Variants in LRRC14B observed in about 807,000 individuals in gnomAD.
LRRC14B encodes the protein leucine-rich repeat-containing protein 14B.
A neutral mutation model predicts 16.9 loss-of-function variants in LRRC14B; 23 were observed. The ratio of observed to expected loss-of-function variants is 1.36; its 90% CI spans 0.98 to 1.92. The LOEUF (loss-of-function observed/expected upper bound fraction) is 1.92, where lower values mean the gene tolerates loss of function less well. LRRC14B is among the 30% of genes most tolerant of loss of function. The probability of loss-of-function intolerance (pLI) is 0.00; values close to 1 mark genes in which losing one functional copy is unlikely to be tolerated. For missense variants in LRRC14B, 766 were observed against 705.7 expected (o/e 1.09, Z -0.97); for synonymous variants, 358 against 332.5 (o/e 1.08, Z -0.83).
At chr5:193,817 G>A (rs1733856997) in intron 1 of LRRC14B, among the ~76,000 whole-genome samples, 1 of 152,036 alleles carries the variant, frequency 6.6e-6, no homozygotes, top group South Asian at 2.1e-4. Flanking sequence ...GGTGCAGGTG[G>A]GTGAAGAGTG....
chr5:192,301 C>T lies in LRRC14B; in HGVS notation c.763C>T (p.Pro255Ser), dbSNP rs1254126296. ...GCCCACCAAGGCCTTTGATGCACCC[C>T]CCACCTACGCCTCCACTCCCGACGG... ...TLPTKAFDAP[P>S]TYASTPDGED... Residue 255 changes from proline (P) to serine (S), a missense_variant, in exon 1 of 2, where the codon CCC (proline) becomes TCC (serine). By Grantham distance (74) the Pro-to-Ser change is moderately conservative. Coordinates refer to ENST00000328278, the MANE Select transcript of LRRC14B (RefSeq NM_001080478.3). 4 of 1,599,862 alleles carry T rather than the reference C, an allele frequency of 2.5e-6. No homozygotes were observed. The highest frequency in any genetic ancestry group is 2.6e-6 in the Non-Finnish European group (3 of 1,174,644).
At chr5:193,618 C>T in intron 1 of LRRC14B, among the ~76,000 whole-genome samples, 1 of 149,038 alleles carries the variant, frequency 6.7e-6, no homozygotes, top group South Asian at 2.2e-4. Context: ...GTGGGGGATG[C>T]CTGGCGGTGG....
intron 1 of LRRC14B, among the ~76,000 whole-genome samples, chr5:193,714 C>T (rs1052165881): frequency 7.3e-5 from 11 of 149,838 alleles, no homozygotes; most frequent in East Asian, 2.0e-4. Context: ...GCATGCCTGG[C>T]GTGGTTTCTC....
At position 195,682 on chromosome 5, in the gene LRRC14B, G is replaced by C. The variant is rs1733904555; in HGVS notation, c.*329G>C. 1 of 378,392 alleles carries C rather than the reference G, an allele frequency of 2.6e-6. No homozygotes were observed. Among genetic ancestry groups the C allele is most frequent in the South Asian group, 2.7e-5 (1 of 36,542 alleles). The allele number at this position is 378,392 out of a possible 1,614,324, so 23.4% of individuals were successfully genotyped here. ...GGAGGTGTGAGGAGTGGCCGACCTGGCCTCAGCGCATCTGGGCACTGGGCG... is the reference window on the plus strand; with the variant it reads ...GGAGGTGTGAGGAGTGGCCGACCTGCCCTCAGCGCATCTGGGCACTGGGCG... On this transcript the variant is annotated 3_prime_UTR_variant, in exon 2 of 2. Coordinates refer to ENST00000328278, the MANE Select transcript of LRRC14B (RefSeq NM_001080478.3).
Position 192,286 on chromosome 5 carries a change from G to T in LRRC14B, c.748G>T (p.Ala250Ser), listed in dbSNP as rs759308849. Residue 250 changes from alanine to serine, a missense_variant, in exon 1 of 2, where the codon GCC becomes TCC. Ala to Ser is a moderately conservative substitution (Grantham distance 99, BLOSUM62 1). Coordinates refer to ENST00000328278, the MANE Select transcript of LRRC14B (RefSeq NM_001080478.3). ...RLASLTLPTK[A>S]FDAPPTYAST... ...GGCCTCGCTCACCCTGCCCACCAAG[G>T]CCTTTGATGCACCCCCCACCTACGC... The T allele has an allele frequency of 3.7e-6, 6 of 1,600,278 alleles. No individual in the cohort carries two copies. The highest frequency in any genetic ancestry group is 3.4e-5 in the South Asian group (3 of 88,496).
At position 192,297 on chromosome 5, in the gene LRRC14B, A is replaced by AC. The variant is rs748566980; in HGVS notation, c.765dup (p.Thr256HisfsTer28). ...CCCTGCCCACCAAGGCCTTTGATGC[A>AC]CCCCCCACCTACGCCTCCACTCCCG... On this transcript the variant is annotated frameshift_variant, in exon 1 of 2. Transcript: ENST00000328278. LOFTEE classifies it high-confidence loss of function. The AC allele has an allele frequency of 1.7e-5, 27 of 1,594,662 alleles. No individual in the cohort carries two copies. Among genetic ancestry groups the AC allele is most frequent in the Admixed American group, 1.0e-4 (6 of 58,300 alleles).
chr5:191,897 T>G lies in LRRC14B; in HGVS notation c.359T>G (p.Val120Gly). ...CTCACGGGCATCCGAGATGTGCAGG[T>G]GCAGCGGTGCCCGTGCGGGAGGGCG... is the stretch of plus-strand genomic sequence containing the variant. ...ADLTGIRDVQ[V>G]QRCPCGRALG... The change falls in exon 1 of 2, where the codon GTG becomes GGG. Residue 120 changes from valine to glycine, a missense_variant. Coordinates refer to ENST00000328278, the MANE Select transcript of LRRC14B (RefSeq NM_001080478.3). The G allele has an allele frequency of 6.6e-7, 1 of 1,511,528 alleles. No homozygotes were observed. The highest frequency in any genetic ancestry group is 8.8e-7 in the Non-Finnish European group (1 of 1,135,052). 93.6% of individuals were successfully genotyped at this position (1,511,528 alleles called of 1,614,324 possible). A position where few individuals can be genotyped will look rare whatever the true frequency, so the allele number is the denominator to read the frequency against.
Position 192,303 on chromosome 5 carries a change from C to T in LRRC14B, c.765C>T (p.Pro255=), listed in dbSNP as rs765285231. Residue 255 remains proline, a synonymous_variant, in exon 1 of 2, where the codon CCC becomes CCT. Coordinates refer to ENST00000328278, the MANE Select transcript of LRRC14B (RefSeq NM_001080478.3). ...CCACCAAGGCCTTTGATGCACCCCCCACCTACGCCTCCACTCCCGACGGCG... is the reference window on the plus strand; with the variant it reads ...CCACCAAGGCCTTTGATGCACCCCCTACCTACGCCTCCACTCCCGACGGCG... ...TLPTKAFDAP[P]TYASTPDGED... 5 of 1,600,076 alleles carry T rather than the reference C, an allele frequency of 3.1e-6. No individual in the cohort carries two copies. The highest frequency in any genetic ancestry group is 1.3e-5 in the African/African-American group (1 of 74,350).
At chr5:194,116 C>T (rs189219890) in intron 1 of LRRC14B, among the ~76,000 whole-genome samples, 12 of 152,230 alleles carry the variant, frequency 7.9e-5, no homozygotes, top group Admixed American at 3.9e-4. Flanking sequence ...TGAAACCATG[C>T]GGGATTCATC....
chr5:191,543 A>G lies in LRRC14B; in HGVS notation c.5A>G (p.Asp2Gly). 6.2e-7 allele frequency: 1 copy of G among 1,607,402 alleles called. No individual in the cohort carries two copies. The highest frequency in any genetic ancestry group is 8.5e-7 in the Non-Finnish European group (1 of 1,175,586). M[D>G]TMRSLRFISA... ...GGAGCGGTCCTGTCTCGGGCCATGGACACAATGAGGTCACTCCGCTTCATT... is the reference window on the plus strand; with the variant it reads ...GGAGCGGTCCTGTCTCGGGCCATGGGCACAATGAGGTCACTCCGCTTCATT... The change falls in exon 1 of 2, where the codon GAC (aspartate) becomes GGC (glycine). Residue 2 changes from aspartate (D) to glycine (G), a missense_variant. Transcript: ENST00000328278.
rs112456571 is a variant in LRRC14B at position 195,903 on chromosome 5, C to T, written c.*550C>T. ...CTCCCACCCACTGCTGGTCACAACC[C>T]GCTGTCTGGACCTGCCGCTTACGGG... On this transcript the variant is annotated 3_prime_UTR_variant, in exon 2 of 2. Transcript: ENST00000328278. The T allele has an allele frequency of 1.3e-3, 215 of 160,308 alleles. No homozygotes were observed. The highest frequency in any genetic ancestry group is 4.8e-3 in the African/African-American group (200 of 41,598). 9.9% of individuals were successfully genotyped at this position (160,308 alleles called of 1,614,324 possible).
In LRRC14B at chr5:194,957, C is replaced by T; in HGVS notation, c.1149C>T (p.Gly383=). 3 of 1,613,542 alleles carry T rather than the reference C, an allele frequency of 1.9e-6. No homozygotes were observed. The highest frequency in any genetic ancestry group is 1.7e-6 in the Non-Finnish European group (2 of 1,179,794). ...GCCACGTTGGCATGCTGATCCTGGGCCTGAGCCCCTGCCACCGGCTGCGCC... is the reference window on the plus strand; with the variant it reads ...GCCACGTTGGCATGCTGATCCTGGGTCTGAGCCCCTGCCACCGGCTGCGCC... The part of the protein sequence containing the change: ...VDSHVGMLIL[G]LSPCHRLRQL... The change falls in exon 2 of 2, where the codon GGC becomes GGT. Residue 383 remains glycine (G), a synonymous_variant. Transcript: ENST00000328278.
Position 195,091 on chromosome 5 carries a change from A to ACT in LRRC14B, c.1284_1285dup (p.Cys429SerfsTer76), listed in dbSNP as rs1429747229. The ACT allele has an allele frequency of 6.2e-7, 1 of 1,613,852 alleles. No individual in the cohort carries two copies. The highest frequency in any genetic ancestry group is 1.1e-5 in the South Asian group (1 of 91,086). ...TGCATTGAGTTCCCGGTGCCCAAGG[A>ACT]CTGCTACCCCGAGGGTGCCGCCTAC... On this transcript the variant is annotated frameshift_variant, in exon 2 of 2. Coordinates refer to ENST00000328278, the MANE Select transcript of LRRC14B (RefSeq NM_001080478.3). LOFTEE classifies it low-confidence loss of function (END_TRUNC).
rs1254781192 is a variant in LRRC14B, at chr5:195,350, G to A, written c.1542G>A (p.Glu514=). ...TCTCCAGAGCACTCAAACAAATAGA[G>A]TAGTTCCTCCACTCGCACCAGTGAC... The part of the protein sequence containing the change: ...ENFSRALKQI[E] The change falls in exon 2 of 2, where the codon GAG becomes GAA. Residue 514 remains glutamate (E), a synonymous_variant. Coordinates refer to ENST00000328278, the MANE Select transcript of LRRC14B (RefSeq NM_001080478.3). 6.3e-7 allele frequency: 1 copy of A among 1,599,726 alleles called. No homozygotes were observed. The highest frequency in any genetic ancestry group is 2.2e-5 in the East Asian group (1 of 44,848).
In LRRC14B at chr5:193,245, G is replaced by A. The variant is rs114276609; in HGVS notation, c.899+808G>A. ...AGGGGCAGCTGGCGGTGGGTATTGG[G>A]GTCACCGGGTGATGGGTCCTGGTGG... On this transcript the variant is annotated intron_variant, in intron 1 of 1. Coordinates refer to ENST00000328278, the MANE Select transcript of LRRC14B (RefSeq NM_001080478.3). Among the ~76,000 whole-genome samples the A allele has an allele frequency of 8.2e-3, 1,236 of 150,944 alleles. 22 individuals carry two copies. The highest frequency in any genetic ancestry group is 0.029 in the African/African-American group (1,174 of 40,850).
In LRRC14B at chr5:191,809, G is replaced by A; in HGVS notation, c.271G>A (p.Val91Met). 1.3e-6 allele frequency: 2 copies of A among 1,532,568 alleles called. No homozygotes were observed. The highest frequency in any genetic ancestry group is 2.1e-4 in the Middle Eastern group (1 of 4,820). 94.9% of individuals were successfully genotyped at this position (1,532,568 alleles called of 1,614,324 possible). The change falls in exon 1 of 2, where the codon GTG (valine) becomes ATG (methionine). Residue 91 changes from valine to methionine, a missense_variant. Coordinates refer to ENST00000328278, the MANE Select transcript of LRRC14B (RefSeq NM_001080478.3). ...RTCRACLEALVRGLADHVLQD... is the reference protein window; with the variant it reads ...RTCRACLEALMRGLADHVLQD... ...CTGCAGGGCCTGCCTGGAGGCGCTG[G>A]TGCGCGGCCTCGCGGACCACGTGCT...
In LRRC14B at chr5:191,762, C is replaced by T; in HGVS notation, c.224C>T (p.Pro75Leu). 6.5e-7 allele frequency: 1 copy of T among 1,547,804 alleles called. No individual in the cohort carries two copies. The highest frequency in any genetic ancestry group is 8.7e-7 in the Non-Finnish European group (1 of 1,147,920). The change falls in exon 1 of 2, where the codon CCC becomes CTC. Residue 75 changes from proline (P) to leucine (L), a missense_variant. Physicochemically the swap from Pro to Leu is moderately conservative, Grantham distance 98. Transcript: ENST00000328278. ...GALLGPGADH[P>L]QDLRDRTCRA... ...CTGCTGGGTCCTGGTGCCGACCACC[C>T]CCAGGACCTGCGCGACAGAACCTGC...
intron 1 of LRRC14B, among the ~76,000 whole-genome samples, chr5:193,043 C>A (rs990556282): frequency 6.6e-6 from 1 of 152,086 alleles, no homozygotes; most frequent in African/African-American, 2.4e-5. Context: ...GCCAAGGCAG[C>A]CTCAGGCAGT....
chr5:192,050 C>T lies in LRRC14B; in HGVS notation c.512C>T (p.Ala171Val), dbSNP rs778901632. The T allele has an allele frequency of 1.9e-6, 3 of 1,543,758 alleles. No individual in the cohort carries two copies. The highest frequency in any genetic ancestry group is 2.7e-5 in the African/African-American group (2 of 73,586). ...TTCGTCACTGAGGGCAACTTCGAGG[C>T]GGTGGTGCAGGCTCTGAGGCCAGCG... Reference protein sequence around the residue: ...DLFVTEGNFEAVVQALRPAGP... With the variant: ...DLFVTEGNFEVVVQALRPAGP... The change falls in exon 1 of 2, where the codon GCG (alanine) becomes GTG (valine). Residue 171 changes from alanine (A) to valine (V), a missense_variant. By Grantham distance (64) the Ala-to-Val change is moderately conservative. Coordinates refer to ENST00000328278, the MANE Select transcript of LRRC14B (RefSeq NM_001080478.3).
Sources: allele counts gnomAD v4.1 joint callset (sites outside exome capture counted in the v4.1 genomes callset), GRCh38; gene constraint gnomAD v4.1.1; transcripts MANE v1.5; gene names NCBI Gene and HGNC (gene_info 2026-07-23, HGNC 2026-07-21).